Variants in PARN observed in about 807,000 individuals in gnomAD.
The protein encoded by PARN is poly(A)-specific ribonuclease PARN.
In PARN, 71 loss-of-function variants were observed where a neutral mutation model predicts 102.8. That is an observed-to-expected ratio of 0.69 (90% confidence interval 0.57 to 0.84). The LOEUF (loss-of-function observed/expected upper bound fraction) is 0.84, where lower values mean the gene tolerates loss of function less well. Among genes scored for constraint, PARN ranks in the 40% least tolerant of loss-of-function variants. PARN has a pLI of 0.00. For synonymous variants in PARN, 261 were observed against 252.9 expected (o/e 1.03, Z -0.30); for missense variants, 782 against 760.9 (o/e 1.03, Z -0.33).
chr16:14,575,674 AC>A (rs1969086856), intron 18 of PARN, among the ~76,000 whole-genome samples: 1 of 152,150 alleles, frequency 6.6e-6, no homozygotes, highest in Non-Finnish European at 1.5e-5. Context: ...GAGAGTTTGG[AC>A]TGTGGACTTT....
chr16:14,571,597 T>C (rs1364801955), intron 18 of PARN, among the ~76,000 whole-genome samples: 12 of 320 alleles, frequency 0.037, no homozygotes, highest in South Asian at 0.37. Context: ...ACATCTTCTA[T>C]GCAAACCAAC....
chr16:14,614,465 A>C (rs1971737775), intron 6 of PARN, among the ~76,000 whole-genome samples: 1 of 152,180 alleles, frequency 6.6e-6, no homozygotes, highest in Non-Finnish European at 1.5e-5. Context: ...AACACACCAA[A>C]GCCAAGGCTA....
chr16:14,512,364 G>A (rs1265208772), intron 21 of PARN, among the ~76,000 whole-genome samples: 1 of 152,146 alleles, frequency 6.6e-6, no homozygotes, highest in Admixed American at 6.5e-5. Flanking sequence ...TTAGCTGGGT[G>A]TGGTGGTGCA....
chr16:14,555,807 G>T, intron 18 of PARN, 98 bp from the exon 19 acceptor site: 4 of 552,322 alleles, frequency 7.2e-6, no homozygotes, highest in Non-Finnish European at 9.7e-6. Context: ...AATTTTAATA[G>T]GCATTTATTA....
chr16:14,437,587 C>T (rs7199520), intron 23 of PARN, among the ~76,000 whole-genome samples: 29,266 of 152,000 alleles, frequency 0.19, 3,262 homozygotes, highest in African/African-American at 0.31. Context: ...TGGACTTCAA[C>T]GAATGTGAGG....
intron 21 of PARN, among the ~76,000 whole-genome samples, chr16:14,534,175 C>T (rs1222735762): frequency 1.3e-5 from 2 of 149,650 alleles, no homozygotes; most frequent in African/African-American, 2.5e-5. Context: ...ACCAAGATCG[C>T]GCCACTGCAC....
At chr16:14,543,270 A>T (rs891838864) in intron 21 of PARN, among the ~76,000 whole-genome samples, 13 of 152,288 alleles carry the variant, frequency 8.5e-5, no homozygotes, top group Non-Finnish European at 1.6e-4. Context: ...ATAAAGAAAA[A>T]ATTAGAGAAT....
intron 6 of PARN, 149 bp downstream of exon 6, chr16:14,617,441 A>T: frequency 1.8e-6 from 1 of 569,446 alleles, no homozygotes; most frequent in Non-Finnish European, 3.2e-6. Context: ...CTAAGGCTGC[A>T]TATGTGTACT....
chr16:14,457,759 T>C (rs1053241232), intron 22 of PARN, among the ~76,000 whole-genome samples: 5 of 134,804 alleles, frequency 3.7e-5, no homozygotes, highest in Admixed American at 3.5e-4. Flanking sequence ...TATCGCACCA[T>C]TGTACTCCAG....
intron 21 of PARN, among the ~76,000 whole-genome samples, chr16:14,531,642 ACG>A (rs1966335606): frequency 6.6e-6 from 1 of 152,206 alleles, no homozygotes; most frequent in Non-Finnish European, 1.5e-5. Flanking sequence ...CTGTTTGGGT[ACG>A]TCCGTCAATT....
intron 18 of PARN, among the ~76,000 whole-genome samples, chr16:14,579,924 T>TG (rs1453607308): frequency 6.7e-6 from 1 of 149,968 alleles, no homozygotes; most frequent in Non-Finnish European, 1.5e-5. Flanking sequence ...TGCCGTGAGC[T>TG]GAGATTGTGC....
intron 21 of PARN, among the ~76,000 whole-genome samples, chr16:14,509,802 G>C (rs1965087001): frequency 6.6e-6 from 1 of 152,144 alleles, no homozygotes. Flanking sequence ...TATTCTTCAA[G>C]GAATACATCT....
At chr16:14,577,909 C>T (rs1180636600) in intron 18 of PARN, among the ~76,000 whole-genome samples, 1 of 151,310 alleles carries the variant, frequency 6.6e-6, no homozygotes, top group African/African-American at 2.4e-5. Context: ...CTCAGGTGAT[C>T]CGCCCGCCTC....
chr16:14,510,155 C>T (rs901736725), intron 21 of PARN, among the ~76,000 whole-genome samples: 2 of 152,136 alleles, frequency 1.3e-5, no homozygotes, highest in Non-Finnish European at 2.9e-5. Flanking sequence ...CCGAGACTCT[C>T]CTCAAAGGAA....
intron 21 of PARN, among the ~76,000 whole-genome samples, chr16:14,542,583 A>C (rs1966848455): frequency 1.3e-5 from 2 of 152,048 alleles, no homozygotes; most frequent in South Asian, 4.1e-4. Context: ...AAAAAAGAAA[A>C]GAAAACAGAA....
chr16:14,541,210 A>G (rs1292125539), intron 21 of PARN, among the ~76,000 whole-genome samples: 2 of 151,942 alleles, frequency 1.3e-5, no homozygotes, highest in Non-Finnish European at 2.9e-5. Context: ...AATCAAAGGT[A>G]AGGAAGTCCT....
intron 22 of PARN, among the ~76,000 whole-genome samples, chr16:14,458,258 T>C (rs1961780853): frequency 6.6e-6 from 1 of 152,112 alleles, no homozygotes; most frequent in African/African-American, 2.4e-5. Context: ...ATCTGAAATT[T>C]TCAGAGGCTA....
intron 23 of PARN, among the ~76,000 whole-genome samples, chr16:14,438,441 T>TGGGGGGGGGG (rs375043884): frequency 9.3e-6 from 1 of 107,022 alleles, no homozygotes; most frequent in African/African-American, 3.9e-5. Flanking sequence ...TGCCATTAGT[T>TGGGGGGGGGG]GGGGGGGGGG....
chr16:14,623,494 C>G (rs1255355335), intron 5 of PARN, among the ~76,000 whole-genome samples: 1 of 142,880 alleles, frequency 7.0e-6, no homozygotes, highest in Non-Finnish European at 1.5e-5. Context: ...AGCCTGGAAA[C>G]AGAGCAAAAC....
Sources: allele counts gnomAD v4.1 joint callset (sites outside exome capture counted in the v4.1 genomes callset), GRCh38; gene constraint gnomAD v4.1.1; transcripts MANE v1.5; gene names NCBI Gene and HGNC (gene_info 2026-07-23, HGNC 2026-07-21).